SNX9: variants seen among roughly 807,000 people sequenced by gnomAD.
SNX9 encodes the protein sorting nexin-9.
A neutral mutation model predicts 89.4 loss-of-function variants in SNX9; 44 were observed. The ratio of observed to expected loss-of-function variants is 0.49; its 90% CI spans 0.39 to 0.63. The LOEUF is 0.63. SNX9 is among the 30% of genes least tolerant of loss of function. The probability of loss-of-function intolerance (pLI) is 0.00; values close to 1 mark genes in which losing one functional copy is unlikely to be tolerated. For synonymous variants in SNX9, 236 were observed against 247.8 expected (o/e 0.95, Z 0.45); for missense variants, 578 against 736.1 (o/e 0.79, Z 2.49).
At chr6:157,914,469 CTTTTTTTTTTT>C (rs34419515) in intron 9 of SNX9, among the ~76,000 whole-genome samples, 125 of 75,124 alleles carry the variant, frequency 1.7e-3, no homozygotes, top group African/African-American at 6.7e-3. Context: ...TTTTCTTTTT[CTTTTTTTTTTT>C]TTTTTTTTTT....
At chr6:157,869,780 G>A (rs1195054094) in intron 2 of SNX9, among the ~76,000 whole-genome samples, 2 of 152,012 alleles carry the variant, frequency 1.3e-5, no homozygotes, top group African/African-American at 2.4e-5. Flanking sequence ...CTTTCCCTGT[G>A]CACGTGCACA....
intron 1 of SNX9, among the ~76,000 whole-genome samples, chr6:157,840,737 C>T (rs1781688636): frequency 6.6e-6 from 1 of 152,138 alleles, no homozygotes; most frequent in Non-Finnish European, 1.5e-5. Context: ...ATGAGGAATA[C>T]CCCAGTCAAA....
At chr6:157,882,125 G>T (rs1782638017) in intron 4 of SNX9, among the ~76,000 whole-genome samples, 1 of 152,154 alleles carries the variant, frequency 6.6e-6, no homozygotes, top group Admixed American at 6.5e-5. Context: ...ACTTTATGTT[G>T]AAACCAGTGC....
In SNX9 at chr6:157,823,827, G is replaced by A. The variant is rs113720723; in HGVS notation, c.12+381G>A. ...AGGCGACTGGCGCTCTGTGGCGTCC[G>A]GCGTCCCCGCCGCCCCCACGTCCCC... On this transcript the variant is annotated intron_variant, in intron 1 of 17. Coordinates refer to ENST00000392185, the MANE Select transcript of SNX9 (RefSeq NM_016224.5). This position sits in a 1 kb window ranked among gnomAD's most constrained non-coding sequence, Gnocchi z 4.6. Among the ~76,000 whole-genome samples, 1 of 151,950 alleles carries A rather than the reference G, an allele frequency of 6.6e-6. No homozygotes were observed. The highest frequency in any genetic ancestry group is 2.1e-4 in the South Asian group (1 of 4,830).
intron 5 of SNX9, among the ~76,000 whole-genome samples, chr6:157,901,373 T>C (rs1218475391): frequency 1.3e-5 from 2 of 152,234 alleles, no homozygotes. Context: ...TTTGACTTTG[T>C]TCCCTGTGCT....
chr6:157,862,047 G>T (rs1281388169), intron 1 of SNX9, among the ~76,000 whole-genome samples: 1 of 152,198 alleles, frequency 6.6e-6, no homozygotes, highest in Non-Finnish European at 1.5e-5. Context: ...ATTGCATCAT[G>T]CTACTCAGAA....
intron 9 of SNX9, among the ~76,000 whole-genome samples, chr6:157,920,371 A>G (rs567411887): frequency 6.6e-6 from 1 of 152,222 alleles, no homozygotes; most frequent in Non-Finnish European, 1.5e-5. Context: ...ACTGCCACTG[A>G]CACCACCATT....
chr6:157,839,404 T>A (rs1007354582), intron 1 of SNX9, among the ~76,000 whole-genome samples: 1 of 152,198 alleles, frequency 6.6e-6, no homozygotes, highest in Middle Eastern at 3.2e-3. Flanking sequence ...TTATGAAGCA[T>A]ATGTATTTTC....
intron 14 of SNX9, among the ~76,000 whole-genome samples, chr6:157,936,289 G>T (rs1260076650): frequency 6.6e-6 from 1 of 152,170 alleles, no homozygotes; most frequent in Non-Finnish European, 1.5e-5. Context: ...ACTTTGGGAG[G>T]CCAAGGCGGG....
intron 1 of SNX9, among the ~76,000 whole-genome samples, chr6:157,850,897 A>G (rs1419306603): frequency 1.3e-5 from 2 of 152,350 alleles, no homozygotes; most frequent in East Asian, 3.9e-4. Flanking sequence ...AGGAGCATGC[A>G]GTTAGGATAC....
Position 157,865,005 on chromosome 6 carries a change from G to A in SNX9, c.13-2542G>A, listed in dbSNP as rs554896591. On this transcript the variant is annotated intron_variant, in intron 1 of 17. Transcript: ENST00000392185. ...ACTTGCCACTGCACTTTAGCCTGGC[G>A]ACAGAGAGAGACTCTGGCTCAAACA... is the stretch of plus-strand genomic sequence containing the variant. 1.4e-4 allele frequency among the ~76,000 whole-genome samples: 22 copies of A among 151,760 alleles called. No homozygotes were observed. In the South Asian group the frequency reaches 3.7e-3, roughly 26 times the overall value.
chr6:157,942,821 C>G lies in SNX9; in HGVS notation c.1771C>G (p.Arg591Gly), dbSNP rs148012710. 3 of 1,613,852 alleles carry G rather than the reference C, an allele frequency of 1.9e-6. No individual in the cohort carries two copies. The highest frequency in any genetic ancestry group is 2.5e-6 in the Non-Finnish European group (3 of 1,179,896). ...IAEKLRQALS[R>G]FPVM ...AGAAAAGCTGAGGCAGGCCCTCAGCCGCTTTCCAGTGATGTAGGACAGAAC... is the reference window on the plus strand; with the variant it reads ...AGAAAAGCTGAGGCAGGCCCTCAGCGGCTTTCCAGTGATGTAGGACAGAAC... Residue 591 changes from arginine (R) to glycine (G), a missense_variant, in exon 18 of 18, where the codon CGC (arginine) becomes GGC (glycine). Physicochemically the swap from Arg to Gly is moderately radical, Grantham distance 125. Transcript: ENST00000392185.
At chr6:157,933,402 C>T (rs1006078525) in intron 13 of SNX9, among the ~76,000 whole-genome samples, 1 of 152,202 alleles carries the variant, frequency 6.6e-6, no homozygotes, top group Non-Finnish European at 1.5e-5. Context: ...GATCCTGATA[C>T]TCAAGGCAGA....
At chr6:157,902,761 G>A (rs34848888) in intron 6 of SNX9, among the ~76,000 whole-genome samples, 4,779 of 152,194 alleles carry the variant, frequency 0.031, 107 homozygotes, top group Non-Finnish European at 0.047. Flanking sequence ...CCAACGTCCC[G>A]GGTTCAAGCA....
intron 7 of SNX9, among the ~76,000 whole-genome samples, chr6:157,907,356 A>C (rs1227505410): frequency 6.6e-6 from 1 of 152,088 alleles, no homozygotes; most frequent in Non-Finnish European, 1.5e-5. Context: ...ATCTTGGCTC[A>C]CTGCAACCTC....
At chr6:157,894,098 TTTCTTTTC>T (rs1782921429) in intron 4 of SNX9, among the ~76,000 whole-genome samples, 2 of 143,478 alleles carry the variant, frequency 1.4e-5, no homozygotes, top group African/African-American at 2.6e-5. Context: ...TCTTTTCGCT[TTTCTTTTC>T]TTTTTTTTTT....
At chr6:157,896,682 T>A (rs922813367) in intron 4 of SNX9, 145 bp from the exon 5 acceptor site, 5 of 921,538 alleles carry the variant, frequency 5.4e-6, no homozygotes, top group Non-Finnish European at 1.7e-6. Context: ...AATTAAAATA[T>A]TATGTATGTA....
At chr6:157,826,648 A>T in intron 1 of SNX9, among the ~76,000 whole-genome samples, 2 of 145,464 alleles carry the variant, frequency 1.4e-5, no homozygotes, top group African/African-American at 5.5e-5. Context: ...TTGTTTTACA[A>T]ATATTAATAC....
At position 157,942,815 on chromosome 6, in the gene SNX9, C is replaced by T. The variant is rs762774196; in HGVS notation, c.1765C>T (p.Leu589Phe). 6.2e-7 allele frequency: 1 copy of T among 1,613,914 alleles called. No homozygotes were observed. Among genetic ancestry groups the T allele is most frequent in the South Asian group, 1.1e-5 (1 of 91,006 alleles). ...ETIAEKLRQA[L>F]SRFPVM is the part of the protein sequence containing the mutation. ...GATTGCAGAAAAGCTGAGGCAGGCC[C>T]TCAGCCGCTTTCCAGTGATGTAGGA... is the stretch of plus-strand genomic sequence containing the variant. Residue 589 changes from leucine (L) to phenylalanine (F), a missense_variant, in exon 18 of 18, where the codon CTC (leucine) becomes TTC (phenylalanine). This residue lies in a region of SNX9 where 348 missense variants were observed against 491.4 expected (regional missense o/e 0.71). Coordinates refer to ENST00000392185, the MANE Select transcript of SNX9 (RefSeq NM_016224.5).
Sources: allele counts gnomAD v4.1 joint callset (sites outside exome capture counted in the v4.1 genomes callset), GRCh38; gene constraint gnomAD v4.1.1; regional missense constraint gnomAD v4.1.1; non-coding constraint Gnocchi (gnomAD v3.1); transcripts MANE v1.5; gene names NCBI Gene and HGNC (gene_info 2026-07-23, HGNC 2026-07-21).